TNS1: variants seen among roughly 807,000 people sequenced by gnomAD.
TNS1 encodes tensin 1, also known as tensin-1.
Under a neutral mutation model 168.6 loss-of-function variants are expected in TNS1, and 62 were observed. The observed-to-expected ratio is 0.37, with a 90% CI of 0.30 to 0.45. The LOEUF is 0.45. Ranked by LOEUF, TNS1 falls within the 20% of genes least tolerant of loss-of-function variation. The pLI is 1.00. For missense variants in TNS1, 2,240 were observed against 2,339.4 expected, an observed-to-expected ratio of 0.96 and a Z score of 0.88; for synonymous variants, 934 against 933.2, an observed-to-expected ratio of 1.00 and a Z score of -0.02.
chr2:218,033,821 T>A lies in TNS1; in HGVS notation c.155A>T (p.Gln52Leu), dbSNP rs1958924043. The change falls in exon 1 of 2, where the codon CAG becomes CTG. Residue 52 changes from glutamine to leucine, a missense_variant and splice_region_variant. By Grantham distance (113) the Gln-to-Leu change is moderately radical. Coordinates refer to the TNS1 transcript ENST00000649572. This position sits in a 1 kb window ranked among gnomAD's most constrained non-coding sequence, Gnocchi z 4.3. Reference sequence around the variant, plus strand: ...CTCACCCATTCCCGCAGCCCCTACCTGAAGCGGTAGCTGCCTTCTCTCTGC... The same window carrying A: ...CTCACCCATTCCCGCAGCCCCTACCAGAAGCGGTAGCTGCCTTCTCTCTGC... Among the ~76,000 whole-genome samples the A allele has an allele frequency of 6.6e-6, 1 of 152,138 alleles. No individual in the cohort carries two copies. The highest frequency in any genetic ancestry group is 2.4e-5 in the African/African-American group (1 of 41,440).
chr2:217,913,510 C>T (rs1281674439), intron 4 of TNS1, among the ~76,000 whole-genome samples: 1 of 152,126 alleles, frequency 6.6e-6, no homozygotes, highest in South Asian at 2.1e-4. Context: ...TCCTCCACAC[C>T]CCTCCAGCCA....
At chr2:217,921,298 T>C (rs1262977008) in intron 3 of TNS1, among the ~76,000 whole-genome samples, 2 of 152,114 alleles carry the variant, frequency 1.3e-5, no homozygotes, top group African/African-American at 2.4e-5. Context: ...CATGAGGTTA[T>C]CTGGGAACAA....
At chr2:217,985,254 G>A (rs571566344) in intron 2 of TNS1, among the ~76,000 whole-genome samples, 1 of 151,878 alleles carries the variant, frequency 6.6e-6, no homozygotes, top group South Asian at 2.1e-4. Flanking sequence ...AAGCAGATGG[G>A]CTCCTGTGTG....
rs200402809 is a variant in TNS1, at chr2:217,809,896, G to A, written c.5200C>T (p.Pro1734Ser). Residue 1734 changes from proline to serine, a missense_variant, in exon 30 of 33, where the codon CCC (proline) becomes TCC (serine). Transcript: ENST00000682258. The stretch of plus-strand genomic sequence containing the variant: ...TGAACGATGGTGGCAGCTGGCGTGG[G>A]GTCTGCAGCCAACGTCTCAGATGTG... ...KATSETLAAD[P>S]TPAATIVHFK... 4.3e-6 allele frequency: 7 copies of A among 1,613,760 alleles called. No individual in the cohort carries two copies. The highest frequency in any genetic ancestry group is 5.9e-6 in the Non-Finnish European group (7 of 1,179,702).
At chr2:217,920,665 GGA>G (rs2125859016) in intron 3 of TNS1, among the ~76,000 whole-genome samples, 2 of 151,788 alleles carry the variant, frequency 1.3e-5, no homozygotes, top group South Asian at 4.2e-4. Context: ...ATCAGAAAAG[GGA>G]GAGTCACCTC....
At chr2:217,859,511 G>A in intron 18 of TNS1, 1 of 783,976 alleles carries the variant, frequency 1.3e-6, no homozygotes, top group African/African-American at 1.7e-5. Flanking sequence ...ACCCAGGCAG[G>A]GCTCCAGGAG....
At chr2:218,026,813 G>T (rs544004604) in intron 1 of TNS1, among the ~76,000 whole-genome samples, 2 of 152,348 alleles carry the variant, frequency 1.3e-5, no homozygotes, top group Admixed American at 1.3e-4. Context: ...CCTGGCCTGG[G>T]TCTAAGGTCC....
At chr2:217,913,216 G>T (rs971931989) in intron 4 of TNS1, among the ~76,000 whole-genome samples, 13 of 152,286 alleles carry the variant, frequency 8.5e-5, no homozygotes, top group Admixed American at 7.8e-4. Flanking sequence ...GCAGGCCCAG[G>T]CCACCAGAGG....
intron 1 of TNS1, among the ~76,000 whole-genome samples, chr2:218,015,757 G>T (rs1471246033): frequency 1.3e-5 from 2 of 152,244 alleles, no homozygotes; most frequent in Admixed American, 1.3e-4. Flanking sequence ...GTGGGGGCAG[G>T]GTGGGATAGG....
chr2:218,031,093 CGT>C (rs996081548), intron 1 of TNS1, among the ~76,000 whole-genome samples: 4 of 134,562 alleles, frequency 3.0e-5, no homozygotes, highest in African/African-American at 9.7e-5. Flanking sequence ...AGTGTGTGAG[CGT>C]GTCTGTGTGT....
At chr2:217,903,656 C>A (rs1016750028) in intron 6 of TNS1, 23 of 1,474,284 alleles carry the variant, frequency 1.6e-5, no homozygotes, top group Non-Finnish European at 1.8e-5. Flanking sequence ...GGAAATTCGA[C>A]AGCCTCCCAG....
At chr2:217,917,571 C>T (rs952892471) in intron 4 of TNS1, among the ~76,000 whole-genome samples, 13 of 151,972 alleles carry the variant, frequency 8.6e-5, no homozygotes, top group Admixed American at 1.3e-4. Context: ...GTAGCTCACG[C>T]CTGTAATCCC....
chr2:217,840,803 G>T (rs1420483971), intron 19 of TNS1, among the ~76,000 whole-genome samples: 1 of 152,230 alleles, frequency 6.6e-6, no homozygotes, highest in Non-Finnish European at 1.5e-5. Context: ...CACCCTCATT[G>T]CAAAGGCCTG....
At chr2:217,979,639 C>A (rs1197417634) in intron 2 of TNS1, among the ~76,000 whole-genome samples, 11 of 152,290 alleles carry the variant, frequency 7.2e-5, no homozygotes, top group Admixed American at 5.9e-4. Context: ...AGCCCTGCCG[C>A]CCCACCCCCC....
Position 218,033,282 on chromosome 2 carries a change from C to T in TNS1, c.156+538G>A, listed in dbSNP as rs1958914768. Among the ~76,000 whole-genome samples, 1 of 151,984 alleles carries T rather than the reference C, an allele frequency of 6.6e-6. No individual in the cohort carries two copies. The highest frequency in any genetic ancestry group is 2.4e-5 in the African/African-American group (1 of 41,382). ...CACCTGCCTCCCAGCTCAGACCTGTCCCCACTGCCAGGTCAGCTCCCCACT... is the reference window on the plus strand; with the variant it reads ...CACCTGCCTCCCAGCTCAGACCTGTTCCCACTGCCAGGTCAGCTCCCCACT... On this transcript the variant is annotated intron_variant, in intron 1 of 1. Transcript: ENST00000649572. The surrounding 1 kb of genome is among the most constrained non-coding windows in gnomAD (Gnocchi z 4.3).
chr2:217,865,174 T>C (rs1949161901), intron 18 of TNS1, among the ~76,000 whole-genome samples: 1 of 151,948 alleles, frequency 6.6e-6, no homozygotes, highest in Non-Finnish European at 1.5e-5. Flanking sequence ...GCATGAGAGG[T>C]GGCTATGAGT....
chr2:217,940,217 C>G (rs573247647), intron 3 of TNS1, among the ~76,000 whole-genome samples: 6 of 152,240 alleles, frequency 3.9e-5, no homozygotes, highest in Non-Finnish European at 8.8e-5. Context: ...TAGGCCAGTC[C>G]TCCCAAACCC....
chr2:217,800,079 T>A lies in TNS1; in HGVS notation c.*4380A>T, dbSNP rs1937252293. On this transcript the variant is annotated 3_prime_UTR_variant, in exon 33 of 33. Transcript: ENST00000682258. ...GGGAGGGTGGTGGGAAGGGATTTCTTACATTTGTTCTCAATGATGGGTCTG... is the reference window on the plus strand; with the variant it reads ...GGGAGGGTGGTGGGAAGGGATTTCTAACATTTGTTCTCAATGATGGGTCTG... The A allele has an allele frequency of 6.6e-6, 1 of 152,302 alleles. No homozygotes were observed. 9.4% of individuals were successfully genotyped at this position (152,302 alleles called of 1,614,324 possible).
At position 217,893,491 on chromosome 2, in the gene TNS1, A is replaced by G. The variant is rs1218188877; in HGVS notation, c.665T>C (p.Met222Thr). 1.2e-6 allele frequency: 2 copies of G among 1,613,332 alleles called. No individual in the cohort carries two copies. The highest frequency in any genetic ancestry group is 1.1e-5 in the South Asian group (1 of 91,024). Residue 222 changes from methionine (M) to threonine (T), a missense_variant, in exon 10 of 33, where the codon ATG (methionine) becomes ACG (threonine). By Grantham distance (81) the Met-to-Thr change is moderately conservative. Transcript: ENST00000682258. Reference sequence around the variant, plus strand: ...AGGGTCTGCATTGAGCCATGTGTCCATGGCCTTACAGATGCTGCAGATCTT... The same window carrying G: ...AGGGTCTGCATTGAGCCATGTGTCCGTGGCCTTACAGATGCTGCAGATCTT... ...LEKICSICKA[M>T]DTWLNADPHN...
Sources: gnomAD v4.1 joint callset for allele counts (sites outside exome capture counted in the v4.1 genomes callset) on GRCh38, gnomAD v4.1.1 for gene constraint, Gnocchi (gnomAD v3.1) non-coding constraint, MANE v1.5 for transcripts, NCBI Gene and HGNC (gene_info 2026-07-23, HGNC 2026-07-21) for gene names.